The following SLC7A11 variants were observed in gnomAD, a reference collection of about 807,000 sequenced individuals.
SLC7A11 encodes cystine/glutamate transporter.
In SLC7A11, 35 loss-of-function variants were observed where a neutral mutation model predicts 54.5. The observed-to-expected ratio is 0.64, with a 90% CI of 0.49 to 0.85. The LOEUF (loss-of-function observed/expected upper bound fraction) is 0.85, where lower values mean the gene tolerates loss of function less well. Among genes scored for constraint, SLC7A11 ranks in the 40% least tolerant of loss-of-function variants. SLC7A11 has a pLI of 0.00. For missense variants in SLC7A11, 583 were observed against 618.1 expected, an observed-to-expected ratio of 0.94 and a Z score of 0.60; for synonymous variants, 230 against 225.2, an observed-to-expected ratio of 1.02 and a Z score of -0.19.
intron 6 of SLC7A11, among the ~76,000 whole-genome samples, chr4:138,211,052 T>C (rs533264490): frequency 3.3e-5 from 5 of 152,070 alleles, no homozygotes; most frequent in Admixed American, 6.6e-5. Context: ...ACATGTACTA[T>C]GCAGCCATAA....
Position 138,170,120 on chromosome 4 carries a change from G to A in SLC7A11, c.*1836C>T, listed in dbSNP as rs989767958. 6.8e-6 allele frequency: 1 copy of A among 148,026 alleles called. No individual in the cohort carries two copies. Among genetic ancestry groups the A allele is most frequent in the Non-Finnish European group, 1.5e-5 (1 of 67,176 alleles). The allele number at this position is 148,026 out of a possible 1,614,324, so 9.2% of individuals were successfully genotyped here. On this transcript the variant is annotated 3_prime_UTR_variant, in exon 12 of 12. Coordinates refer to ENST00000280612, the MANE Select transcript of SLC7A11 (RefSeq NM_014331.4). Reference sequence around the variant, plus strand: ...AAAATTAAAGGATGAAACATACTCTGGCCATGACTAACCATTTTACCTTAG... The same window carrying A: ...AAAATTAAAGGATGAAACATACTCTAGCCATGACTAACCATTTTACCTTAG...
chr4:138,233,630 G>A (rs951244956), intron 2 of SLC7A11, among the ~76,000 whole-genome samples: 8 of 152,024 alleles, frequency 5.3e-5, no homozygotes, highest in African/African-American at 1.5e-4. Flanking sequence ...ACTGGAGAGC[G>A]GCATAAGGTT....
intron 1 of SLC7A11, among the ~76,000 whole-genome samples, chr4:138,237,713 ATATATATATATATATATATATATAT>A (rs1738248741): frequency 5.3e-4 from 3 of 5,714 alleles, no homozygotes; most frequent in East Asian, 5.3e-3. Context: ...ATATATATAT[ATATATATATATATATATATATATAT>A]TTTTTTTTTT....
intron 7 of SLC7A11, among the ~76,000 whole-genome samples, chr4:138,184,794 G>A (rs1578636115): frequency 1.3e-5 from 2 of 152,074 alleles, no homozygotes; most frequent in South Asian, 4.1e-4. Context: ...AATTTGCATA[G>A]AAAAAATGCA....
rs909216591 is a variant in SLC7A11 at position 138,166,022 on chromosome 4, G to A, written c.*5934C>T. The A allele has an allele frequency of 8.6e-5, 13 of 152,030 alleles. No individual in the cohort carries two copies. Among genetic ancestry groups the A allele is most frequent in the African/African-American group, 2.4e-4 (10 of 41,406 alleles). The allele number at this position is 152,030 out of a possible 1,614,324, so 9.4% of individuals were successfully genotyped here. A position where few individuals can be genotyped will look rare whatever the true frequency, so the allele number is the denominator to read the frequency against. On this transcript the variant is annotated 3_prime_UTR_variant, in exon 12 of 12. Transcript: ENST00000280612. ...TATACACAGTCATTTAACATAGATC[G>A]TTTCTAGTCGAGTATGAGCATACAT...
chr4:138,237,471 C>T (rs565723151), intron 1 of SLC7A11, among the ~76,000 whole-genome samples: 1 of 149,658 alleles, frequency 6.7e-6, no homozygotes, highest in Non-Finnish European at 1.5e-5. Context: ...GCTGTCAGCT[C>T]ATTGCAACCT....
intron 4 of SLC7A11, 106 bp from the exon 5 acceptor site, chr4:138,219,471 A>G: frequency 1.5e-6 from 1 of 667,624 alleles, no homozygotes; most frequent in African/African-American, 1.8e-5. Context: ...GTAAGTCTAG[A>G]TTTCTTACTC....
Position 138,165,766 on chromosome 4 carries a change from C to G in SLC7A11, c.*6190G>C, listed in dbSNP as rs1205217452. 6.6e-6 allele frequency: 1 copy of G among 151,990 alleles called. No homozygotes were observed. The highest frequency in any genetic ancestry group is 1.5e-5 in the Non-Finnish European group (1 of 67,988). The allele number at this position is 151,990 out of a possible 1,614,324, so 9.4% of individuals were successfully genotyped here. A position where few individuals can be genotyped will look rare whatever the true frequency, so the allele number is the denominator to read the frequency against. The stretch of plus-strand genomic sequence containing the variant: ...AACATGAATAACATCAAAGGAAGAA[C>G]CCAGTTCTTAAGACTTAAGTAGGAA... On this transcript the variant is annotated 3_prime_UTR_variant, in exon 12 of 12. Coordinates refer to ENST00000280612, the MANE Select transcript of SLC7A11 (RefSeq NM_014331.4).
chr4:138,233,271 G>T (rs577597295), intron 2 of SLC7A11, among the ~76,000 whole-genome samples: 7 of 149,408 alleles, frequency 4.7e-5, no homozygotes, highest in Non-Finnish European at 4.4e-5. Flanking sequence ...TGCAACCTCC[G>T]CCTCCCGTGT....
At chr4:138,205,478 T>C (rs1737385011) in intron 6 of SLC7A11, among the ~76,000 whole-genome samples, 1 of 152,068 alleles carries the variant, frequency 6.6e-6, no homozygotes, top group Non-Finnish European at 1.5e-5. Context: ...ATGGTGTGTG[T>C]AAATATAATA....
At chr4:138,209,403 T>G (rs2148434892) in intron 6 of SLC7A11, among the ~76,000 whole-genome samples, 1 of 152,134 alleles carries the variant, frequency 6.6e-6, no homozygotes, top group East Asian at 1.9e-4. Context: ...AAAGGTATTT[T>G]GAAGCTGTAT....
At chr4:138,174,254 C>G (rs547672853) in intron 11 of SLC7A11, among the ~76,000 whole-genome samples, 104 of 152,328 alleles carry the variant, frequency 6.8e-4, no homozygotes, top group Non-Finnish European at 1.1e-3. Context: ...TCCATTCAGA[C>G]AAATGAGGAG....
intron 6 of SLC7A11, among the ~76,000 whole-genome samples, chr4:138,188,314 C>T (rs936349515): frequency 1.8e-4 from 28 of 152,276 alleles, no homozygotes; most frequent in African/African-American, 6.3e-4. Context: ...CCTCCTGCCT[C>T]GGCCTACCAA....
chr4:138,182,955 C>T (rs894604017), intron 8 of SLC7A11, among the ~76,000 whole-genome samples: 3 of 152,012 alleles, frequency 2.0e-5, no homozygotes, highest in African/African-American at 7.2e-5. Context: ...CATTGTTAGA[C>T]TGTGGAAATA....
chr4:138,172,125 A>G, intron 11 of SLC7A11, 108 bp from the exon 12 acceptor site: 1 of 1,107,268 alleles, frequency 9.0e-7, no homozygotes, highest in African/African-American at 1.6e-5. Context: ...ACAACTGTCT[A>G]CTTCATAGAG....
rs1736379567 is a variant in SLC7A11, at chr4:138,170,230, AAAAGTGTGTGT to A, written c.*1715_*1725del. On this transcript the variant is annotated 3_prime_UTR_variant, in exon 12 of 12. Coordinates refer to ENST00000280612, the MANE Select transcript of SLC7A11 (RefSeq NM_014331.4). The stretch of plus-strand genomic sequence containing the variant: ...CTATATATATATATATATATATATA[AAAAGTGTGTGT>A]GTGTGTGTGTATATATATATATATA... The A allele has an allele frequency of 1.0e-5, 1 of 98,274 alleles. No homozygotes were observed. The highest frequency in any genetic ancestry group is 4.2e-4 in the South Asian group (1 of 2,372). 6.1% of individuals were successfully genotyped at this position (98,274 alleles called of 1,614,324 possible). A position where few individuals can be genotyped will look rare whatever the true frequency, so the allele number is the denominator to read the frequency against.
chr4:138,191,710 T>G (rs1737016923), intron 6 of SLC7A11, among the ~76,000 whole-genome samples: 3 of 152,176 alleles, frequency 2.0e-5, no homozygotes, highest in Admixed American at 6.6e-5. Context: ...CTAAATAAAA[T>G]TATTCAGCAA....
intron 6 of SLC7A11, among the ~76,000 whole-genome samples, chr4:138,211,814 A>G (rs1420292317): frequency 1.3e-5 from 2 of 151,960 alleles, no homozygotes; most frequent in African/African-American, 4.8e-5. Context: ...GTTTTCACTC[A>G]CGTGTGAGCT....
At chr4:138,239,667 CTCTCTTTT>C (rs1309067477) in intron 1 of SLC7A11, among the ~76,000 whole-genome samples, 3 of 149,946 alleles carry the variant, frequency 2.0e-5, no homozygotes, top group East Asian at 2.4e-4. Context: ...TTAGCTGTTT[CTCTCTTTT>C]TATTTTTTTT....
Sources: gnomAD v4.1 joint callset for allele counts (sites outside exome capture counted in the v4.1 genomes callset) on GRCh38, gnomAD v4.1.1 for gene constraint, MANE v1.5 for transcripts, NCBI Gene and HGNC (gene_info 2026-07-23, HGNC 2026-07-21) for gene names.